RCSD1: variants seen among roughly 807,000 people sequenced by gnomAD.
RCSD1 encodes the protein RCSD domain containing 1, also known as capZ-interacting protein.
A neutral mutation model predicts 42.5 loss-of-function variants in RCSD1; 26 were observed. That is an observed-to-expected ratio of 0.61 (90% CI 0.45 to 0.85). The LOEUF is 0.85. RCSD1 is among the 40% of genes least tolerant of loss of function. The pLI, the probability that RCSD1 is intolerant of heterozygous loss-of-function variation, is 0.00. For missense variants in RCSD1, 571 were observed against 528.3 expected (o/e 1.08, Z -0.79); for synonymous variants, 220 against 212.2 (o/e 1.04, Z -0.32).
intron 1 of RCSD1, among the ~76,000 whole-genome samples, chr1:167,678,525 C>T (rs1422646154): frequency 2.0e-5 from 3 of 152,146 alleles, no homozygotes; most frequent in South Asian, 2.1e-4. Context: ...TAATTCCCAG[C>T]AGCCTGACCT....
chr1:167,687,366 T>C (rs1230645221), intron 3 of RCSD1, among the ~76,000 whole-genome samples: 1 of 140,380 alleles, frequency 7.1e-6, no homozygotes, highest in Non-Finnish European at 1.5e-5. Flanking sequence ...CTACTAAAAA[T>C]ACAAAAAATT....
intron 1 of RCSD1, among the ~76,000 whole-genome samples, chr1:167,650,402 A>G (rs1224601521): frequency 6.6e-6 from 1 of 152,122 alleles, no homozygotes; most frequent in Admixed American, 6.5e-5. Flanking sequence ...AGCTCTGAGC[A>G]GCTGTTACAG....
chr1:167,699,264 G>T (rs1280811011), intron 6 of RCSD1, among the ~76,000 whole-genome samples: 3 of 152,152 alleles, frequency 2.0e-5, no homozygotes, highest in Admixed American at 2.0e-4. Context: ...CCACAAACTT[G>T]GTGGCTCAAA....
intron 1 of RCSD1, among the ~76,000 whole-genome samples, chr1:167,672,218 A>G (rs1558084095): frequency 6.6e-6 from 1 of 152,178 alleles, no homozygotes; most frequent in African/African-American, 2.4e-5. Flanking sequence ...CTCCACTGGA[A>G]TGTGAGCTCC....
In RCSD1 at chr1:167,632,317, G is replaced by A. The variant is rs367821184; in HGVS notation, c.6+1888G>A. 9.7e-3 allele frequency among the ~76,000 whole-genome samples: 1,471 copies of A among 152,288 alleles called. 31 individuals are homozygous for A. Among genetic ancestry groups the A allele is most frequent in the African/African-American group, 0.034 (1,400 of 41,542 alleles). ...GGCCTGTCTAACCTCTTGAAGAAAA[G>A]GATTGGAGATAAGAGAAAAGCAACT... On this transcript the variant is annotated intron_variant, in intron 1 of 6. Coordinates refer to ENST00000367854, the MANE Select transcript of RCSD1 (RefSeq NM_052862.4).
chr1:167,706,412 T>C lies in RCSD1; in HGVS notation c.*1716T>C, dbSNP rs1953694. 0.32 allele frequency among the ~76,000 whole-genome samples: 49,018 copies of C among 152,112 alleles called. 8,334 individuals are homozygous for C. Among genetic ancestry groups the C allele is most frequent in the African/African-American group, 0.43 (17,800 of 41,462 alleles). On this transcript the variant is annotated 3_prime_UTR_variant, in exon 7 of 7. Transcript: ENST00000367854. ...TATGTCTTTGGGTTGTTTATACACA[T>C]GCACTATCTGGGCAAGTACTTTGTG...
chr1:167,703,368 T>G (rs1447959104), intron 6 of RCSD1, among the ~76,000 whole-genome samples: 3 of 152,142 alleles, frequency 2.0e-5, no homozygotes, highest in Non-Finnish European at 4.4e-5. Flanking sequence ...AATAATGGAA[T>G]TGTGACCAGG....
chr1:167,687,291 G>T (rs1659257662), intron 3 of RCSD1, among the ~76,000 whole-genome samples: 1 of 152,168 alleles, frequency 6.6e-6, no homozygotes, highest in African/African-American at 2.4e-5. Flanking sequence ...TTGAGAGGCC[G>T]AGGTGGGCGG....
intron 1 of RCSD1, among the ~76,000 whole-genome samples, chr1:167,638,942 G>A (rs138544643): frequency 1.8e-4 from 28 of 152,344 alleles, no homozygotes; most frequent in African/African-American, 6.3e-4. Flanking sequence ...TCCTGGTCGG[G>A]GGCGGTGGCT....
intron 3 of RCSD1, 137 bp downstream of exon 3, chr1:167,685,647 T>G: frequency 1.5e-6 from 1 of 649,712 alleles, no homozygotes; most frequent in South Asian, 2.1e-5. Context: ...CATTTCAGAG[T>G]GAATCTCCTC....
At chr1:167,630,726 A>AAAAAAAAAAAAAAAAAAAAAAAAAAAAC (rs1657676622) in intron 1 of RCSD1, 1 of 207,588 alleles carries the variant, frequency 4.8e-6, no homozygotes, top group Non-Finnish European at 8.3e-6. Context: ...AATGCTAAAA[A>AAAAAAAAAAAAAAAAAAAAAAAAAAAAC]AAAAAAAAAA....
chr1:167,693,869 G>A (rs1285875124), intron 4 of RCSD1, among the ~76,000 whole-genome samples: 1 of 151,428 alleles, frequency 6.6e-6, no homozygotes, highest in Non-Finnish European at 1.5e-5. Context: ...TGCTGGCTGA[G>A]CATTTTGGAA....
At chr1:167,656,361 A>G (rs1353763383) in intron 1 of RCSD1, among the ~76,000 whole-genome samples, 1 of 152,228 alleles carries the variant, frequency 6.6e-6, no homozygotes, top group East Asian at 1.9e-4. Context: ...TTAAAAAGAA[A>G]TTAATATATT....
chr1:167,654,514 A>G (rs1047370067), intron 1 of RCSD1, among the ~76,000 whole-genome samples: 7 of 152,232 alleles, frequency 4.6e-5, no homozygotes, highest in South Asian at 2.1e-4. Flanking sequence ...TTTCAGAGGC[A>G]TTCCTGTAGC....
chr1:167,690,235 C>T lies in RCSD1; in HGVS notation c.270+115C>T, dbSNP rs537570206. 719 of 846,080 alleles carry T rather than the reference C, an allele frequency of 8.5e-4. 3 individuals carry two copies. The highest frequency in any genetic ancestry group is 1.2e-3 in the Non-Finnish European group (633 of 529,188). 52.4% of individuals were successfully genotyped at this position (846,080 alleles called of 1,614,324 possible). On this transcript the variant is annotated intron_variant, in intron 4 of 6. Coordinates refer to ENST00000367854, the MANE Select transcript of RCSD1 (RefSeq NM_052862.4). The stretch of plus-strand genomic sequence containing the variant: ...GCCTATGTGTCACCTGCATAATTGG[C>T]CCCAATAATCAGCCAGTGATCAAAT...
chr1:167,683,287 G>T (rs767767651), intron 1 of RCSD1, among the ~76,000 whole-genome samples: 6 of 152,204 alleles, frequency 3.9e-5, no homozygotes, highest in Non-Finnish European at 8.8e-5. Flanking sequence ...ATGTGCTACA[G>T]CCATCCTTGT....
chr1:167,704,505 A>G (rs1659712549), intron 6 of RCSD1, among the ~76,000 whole-genome samples, 159 bp from the exon 7 acceptor site: 1 of 152,108 alleles, frequency 6.6e-6, no homozygotes. Context: ...AATGCATAAA[A>G]AAAACTAAGT....
rs1659733756 is a variant in RCSD1, at chr1:167,705,385, A to C, written c.*689A>C. The C allele has an allele frequency of 6.6e-6, 1 of 151,766 alleles. No homozygotes were observed. Among genetic ancestry groups the C allele is most frequent in the African/African-American group, 2.4e-5 (1 of 41,362 alleles). 9.4% of individuals were successfully genotyped at this position (151,766 alleles called of 1,614,324 possible). On this transcript the variant is annotated 3_prime_UTR_variant, in exon 7 of 7. Transcript: ENST00000367854. Reference sequence around the variant, plus strand: ...AGCTTTTCCTGTCCTGTGGTTTTCCAGTTGGTGACCACCATGGGAGGTCGC... The same window carrying C: ...AGCTTTTCCTGTCCTGTGGTTTTCCCGTTGGTGACCACCATGGGAGGTCGC...
At chr1:167,632,639 G>A (rs546481805) in intron 1 of RCSD1, among the ~76,000 whole-genome samples, 6 of 152,232 alleles carry the variant, frequency 3.9e-5, no homozygotes, top group African/African-American at 1.4e-4. Context: ...GGGACGCAGG[G>A]AGGGAATAGC....
Sources: allele counts gnomAD v4.1 joint callset (sites outside exome capture counted in the v4.1 genomes callset), GRCh38; gene constraint gnomAD v4.1.1; transcripts MANE v1.5; gene names NCBI Gene and HGNC (gene_info 2026-07-23, HGNC 2026-07-21).